The following SOBP variants were observed in gnomAD, a reference collection of about 807,000 sequenced individuals.
The protein encoded by SOBP is sine oculis binding protein homolog.
In SOBP, 4 loss-of-function variants were observed where a neutral mutation model predicts 53.6. The observed-to-expected ratio is 0.07, with a 90% CI of 0.04 to 0.17. The LOEUF (loss-of-function observed/expected upper bound fraction) is 0.17. SOBP is among the 10% of genes least tolerant of loss of function. The pLI is 1.00. For missense variants in SOBP, 1,088 were observed against 1,204.7 expected, an observed-to-expected ratio of 0.90 and a Z score of 1.43; for synonymous variants, 584 against 522.6, an observed-to-expected ratio of 1.12 and a Z score of -1.60.
intron 4 of SOBP, among the ~76,000 whole-genome samples, chr6:107,536,785 T>G (rs756258227): frequency 5.9e-5 from 9 of 152,224 alleles, no homozygotes; most frequent in Non-Finnish European, 1.3e-4. Flanking sequence ...TGTATTCACT[T>G]AAGGACTCTA....
At chr6:107,505,471 C>T (rs1339106107) in intron 2 of SOBP, among the ~76,000 whole-genome samples, 3 of 151,684 alleles carry the variant, frequency 2.0e-5, no homozygotes, top group Non-Finnish European at 2.9e-5. Context: ...TACAGGCGTG[C>T]GCCACATGTC....
intron 2 of SOBP, among the ~76,000 whole-genome samples, chr6:107,504,631 A>G (rs1219617458): frequency 6.6e-6 from 1 of 152,238 alleles, no homozygotes; most frequent in African/African-American, 2.4e-5. Context: ...AATTTGATCA[A>G]TATTTGCGTT....
At chr6:107,514,705 T>C (rs1393102894) in intron 3 of SOBP, 6 of 152,206 alleles carry the variant, frequency 3.9e-5, no homozygotes, top group African/African-American at 9.7e-5. Flanking sequence ...TAAGCCTTAG[T>C]TTCCTTGTCT....
chr6:107,603,208 C>CTACG lies in SOBP; in HGVS notation c.669+16034_669+16037dup, dbSNP rs372933804. Among the ~76,000 whole-genome samples, 9 of 152,320 alleles carry CTACG rather than the reference C, an allele frequency of 5.9e-5. 1 individual carries two copies. In the East Asian group the frequency reaches 1.7e-3, roughly 29 times the overall value. On this transcript the variant is annotated intron_variant, in intron 5 of 6. Coordinates refer to ENST00000317357, the MANE Select transcript of SOBP (RefSeq NM_018013.4). ...GGCATTTTGTGTGCTGTTTTCCCTGCTACGGCCACTGGCCATGGACACTCC... is the reference window on the plus strand; with the variant it reads ...GGCATTTTGTGTGCTGTTTTCCCTGCTACGTACGGCCACTGGCCATGGACACTCC...
At chr6:107,583,607 C>T (rs1229868496) in intron 4 of SOBP, among the ~76,000 whole-genome samples, 1 of 152,074 alleles carries the variant, frequency 6.6e-6, no homozygotes, top group African/African-American at 2.4e-5. Context: ...CTCAACATAA[C>T]CTCGAAGTGC....
intron 6 of SOBP, among the ~76,000 whole-genome samples, chr6:107,642,660 C>T (rs1287766239): frequency 6.6e-6 from 1 of 152,220 alleles, no homozygotes; most frequent in Non-Finnish European, 1.5e-5. Context: ...GCCTCATTCC[C>T]ATCCAGATAT....
chr6:107,505,551 G>A (rs1021878111), intron 2 of SOBP, among the ~76,000 whole-genome samples: 2 of 151,982 alleles, frequency 1.3e-5, no homozygotes, highest in Admixed American at 1.3e-4. Flanking sequence ...TCAAACTCCT[G>A]GCCTCAAGTG....
chr6:107,541,648 A>AT (rs1292400159), intron 4 of SOBP, among the ~76,000 whole-genome samples: 3 of 152,198 alleles, frequency 2.0e-5, no homozygotes, highest in Admixed American at 6.5e-5. Flanking sequence ...TAAAGCAGTG[A>AT]TTTTTATGTG....
intron 4 of SOBP, among the ~76,000 whole-genome samples, chr6:107,568,020 G>A (rs1267767925): frequency 2.0e-5 from 3 of 152,056 alleles, no homozygotes; most frequent in African/African-American, 4.8e-5. Context: ...TAAGAACCTG[G>A]GACTTTATCC....
chr6:107,602,455 C>G (rs574819237), intron 5 of SOBP, among the ~76,000 whole-genome samples: 1 of 150,868 alleles, frequency 6.6e-6, no homozygotes, highest in East Asian at 2.0e-4. Context: ...AACAGGAAAA[C>G]CTTTTGAAAT....
intron 4 of SOBP, among the ~76,000 whole-genome samples, chr6:107,549,958 G>A (rs1784416777): frequency 6.6e-6 from 1 of 152,176 alleles, no homozygotes; most frequent in Non-Finnish European, 1.5e-5. Flanking sequence ...GAGGAGACAT[G>A]GAGAGATGGG....
At chr6:107,655,476 A>T (rs897039233) in intron 6 of SOBP, among the ~76,000 whole-genome samples, 3 of 152,254 alleles carry the variant, frequency 2.0e-5, no homozygotes, top group African/African-American at 7.2e-5. Context: ...TGTCCCAGAC[A>T]CAGCAAGTAT....
In SOBP at chr6:107,505,426, G is replaced by A. The variant is rs1190332839; in HGVS notation, c.236-816G>A. ...CAACCTCCGCCTCCTGGGTTCAAGC[G>A]ATTCTCGTGCCTCAACCTCCCAAGT... On this transcript the variant is annotated intron_variant, in intron 2 of 6. Transcript: ENST00000317357. Among the ~76,000 whole-genome samples the A allele has an allele frequency of 2.0e-5, 3 of 151,866 alleles. No homozygotes were observed. In the East Asian group the frequency reaches 5.8e-4, roughly 29 times the overall value.
In SOBP at chr6:107,499,890, C is replaced by CTAT. The variant is rs553590388; in HGVS notation, c.97-3764_97-3762dup. ...CGAAAATCTGTCTGCATTTTAACTACTATTACCTTTACTGTTTTTCACATA... is the reference window on the plus strand; with the variant it reads ...CGAAAATCTGTCTGCATTTTAACTACTATTATTACCTTTACTGTTTTTCACATA... On this transcript the variant is annotated intron_variant, in intron 1 of 6. Transcript: ENST00000317357. Among the ~76,000 whole-genome samples the CTAT allele has an allele frequency of 1.1e-3, 174 of 152,178 alleles. 3 individuals are homozygous for CTAT. Among genetic ancestry groups the CTAT allele is most frequent in the African/African-American group, 3.9e-3 (163 of 41,528 alleles).
At chr6:107,502,270 A>AT (rs1242112822) in intron 1 of SOBP, among the ~76,000 whole-genome samples, 1 of 152,198 alleles carries the variant, frequency 6.6e-6, no homozygotes, top group Non-Finnish European at 1.5e-5. Flanking sequence ...TTGTAGTGTA[A>AT]TTCAGAAATG....
intron 4 of SOBP, among the ~76,000 whole-genome samples, chr6:107,552,513 A>G (rs75504600): frequency 0.015 from 2,292 of 152,306 alleles, 47 homozygotes; most frequent in African/African-American, 0.053. Flanking sequence ...CAGCCTCCCA[A>G]GAAGCTTCTC....
chr6:107,533,588 G>A lies in SOBP; in HGVS notation c.551G>A (p.Arg184Gln), dbSNP rs1322676046. Reference protein sequence around the residue: ...CSEKCFAACRRAYFKRNKARD... With the variant: ...CSEKCFAACRQAYFKRNKARD... ...GAGAAGTGCTTTGCGGCCTGCCGAC[G>A]AGCCTACTTCAAGAGAAATAAGGTA... The change falls in exon 4 of 7, where the codon CGA (arginine) becomes CAA (glutamine). Residue 184 changes from arginine to glutamine, a missense_variant. Arg to Gln is a conservative substitution (Grantham distance 43). Around this residue, in one of 6 missense-constraint regions of SOBP, gnomAD observed 55 missense variants for 134.3 expected, o/e 0.41. Coordinates refer to ENST00000317357, the MANE Select transcript of SOBP (RefSeq NM_018013.4). 1 of 1,614,134 alleles carries A rather than the reference G, an allele frequency of 6.2e-7. No homozygotes were observed. Among genetic ancestry groups the A allele is most frequent in the Non-Finnish European group, 8.5e-7 (1 of 1,179,990 alleles).
chr6:107,657,169 C>T (rs1316846004), intron 6 of SOBP, among the ~76,000 whole-genome samples: 1 of 152,254 alleles, frequency 6.6e-6, no homozygotes, highest in Non-Finnish European at 1.5e-5. Context: ...TTCTAAGTGG[C>T]TGCTCCCAGA....
At chr6:107,638,375 T>A (rs1426417781) in intron 6 of SOBP, among the ~76,000 whole-genome samples, 2 of 152,176 alleles carry the variant, frequency 1.3e-5, no homozygotes, top group Non-Finnish European at 2.9e-5. Flanking sequence ...GATGCCCAGC[T>A]AATCTTTGTA....
Sources: allele counts gnomAD v4.1 joint callset (sites outside exome capture counted in the v4.1 genomes callset), GRCh38; gene constraint gnomAD v4.1.1; regional missense constraint gnomAD v4.1.1; transcripts MANE v1.5; gene names NCBI Gene and HGNC (gene_info 2026-07-23, HGNC 2026-07-21).